Variants in DOCK1 observed in about 807,000 individuals in gnomAD.
DOCK1 encodes dedicator of cytokinesis 1.
DOCK1 carries 138 observed loss-of-function variants against 262.7 expected under a neutral mutation model. The ratio of observed to expected loss-of-function variants is 0.53; its 90% CI spans 0.46 to 0.61. DOCK1 has a LOEUF of 0.61. DOCK1 is among the 20% of genes least tolerant of loss of function. DOCK1 has a pLI of 0.00. For missense variants in DOCK1, 1,908 were observed against 2,370.7 expected, an observed-to-expected ratio of 0.80 and a Z score of 4.05; for synonymous variants, 866 against 867.4, an observed-to-expected ratio of 1.00 and a Z score of 0.03.
chr10:127,421,428 A>G (rs374525591), intron 46 of DOCK1, among the ~76,000 whole-genome samples: 1 of 152,326 alleles, frequency 6.6e-6, no homozygotes, highest in East Asian at 1.9e-4. Flanking sequence ...TAAACATAAT[A>G]TACATTATGT....
At chr10:126,929,862 G>A (rs1312951565) in intron 1 of DOCK1, among the ~76,000 whole-genome samples, 1 of 152,172 alleles carries the variant, frequency 6.6e-6, no homozygotes, top group African/African-American at 2.4e-5. Flanking sequence ...ACAATTCAGT[G>A]GCATTTAGAA....
chr10:127,334,941 C>A (rs2063130440), intron 29 of DOCK1, among the ~76,000 whole-genome samples: 1 of 152,144 alleles, frequency 6.6e-6, no homozygotes, highest in Non-Finnish European at 1.5e-5. Context: ...AATCCCACCG[C>A]AGAAAACCTA....
chr10:127,400,348 G>A (rs543150712), intron 38 of DOCK1, among the ~76,000 whole-genome samples: 21 of 152,350 alleles, frequency 1.4e-4, no homozygotes, highest in African/African-American at 5.1e-4. Context: ...CAGTGAGCGG[G>A]TGGGGGCTCA....
At chr10:127,254,601 A>G (rs1238291677) in intron 28 of DOCK1, among the ~76,000 whole-genome samples, 1 of 152,328 alleles carries the variant, frequency 6.6e-6, no homozygotes, top group South Asian at 2.1e-4. Flanking sequence ...ACCTCTTCCT[A>G]CCTTTGCAAT....
At chr10:126,959,887 G>A (rs2037061196) in intron 1 of DOCK1, among the ~76,000 whole-genome samples, 2 of 151,734 alleles carry the variant, frequency 1.3e-5, no homozygotes. Context: ...GTGCAATCTC[G>A]GCTCACTGCA....
intron 21 of DOCK1, among the ~76,000 whole-genome samples, chr10:127,050,783 G>A (rs1447033533): frequency 6.6e-6 from 1 of 151,820 alleles, no homozygotes; most frequent in African/African-American, 2.4e-5. Flanking sequence ...GTACTAGGCA[G>A]AAATTTTATT....
chr10:127,160,477 G>C (rs2053503468), intron 27 of DOCK1, among the ~76,000 whole-genome samples: 1 of 152,220 alleles, frequency 6.6e-6, no homozygotes, highest in Non-Finnish European at 1.5e-5. Context: ...TCAGTACTCA[G>C]TGCAGGGGAG....
Position 126,967,602 on chromosome 10 carries a change from C to T in DOCK1, c.47-3100C>T, listed in dbSNP as rs1054243160. Among the ~76,000 whole-genome samples the T allele has an allele frequency of 8.5e-5, 13 of 152,172 alleles. No individual in the cohort carries two copies. The South Asian group carries it at 2.3e-3, about 27-fold the overall frequency. ...AGTGTAGGTGTCAGTGGCCCATGCT[C>T]CCACGGGGCTGTGGGGGAGTCTGCG... On this transcript the variant is annotated intron_variant, in intron 1 of 51. Coordinates refer to ENST00000623213, the MANE Select transcript of DOCK1 (RefSeq NM_001290223.2).
At chr10:126,941,600 C>A (rs1451538069) in intron 1 of DOCK1, among the ~76,000 whole-genome samples, 2 of 152,014 alleles carry the variant, frequency 1.3e-5, no homozygotes, top group African/African-American at 4.8e-5. Context: ...ACTAAAAGTA[C>A]AAAAAATTAG....
rs749124992 is a variant in DOCK1, at chr10:127,003,957, TC to T, written c.985+3657del. ...GAACAGGGAGAGACTCTGTCTCCCCTCCCCCCCAAAAAAAAGGCCAGGTACA... is the reference window on the plus strand; with the variant it reads ...GAACAGGGAGAGACTCTGTCTCCCCTCCCCCCAAAAAAAAGGCCAGGTACA... On this transcript the variant is annotated intron_variant, in intron 10 of 51. Coordinates refer to ENST00000623213, the MANE Select transcript of DOCK1 (RefSeq NM_001290223.2). Among the ~76,000 whole-genome samples the T allele has an allele frequency of 1.4e-4, 21 of 148,492 alleles. No individual in the cohort carries two copies. The South Asian group carries it at 4.1e-3, about 29-fold the overall frequency.
chr10:127,397,034 G>A (rs1387164760), intron 38 of DOCK1, among the ~76,000 whole-genome samples: 3 of 136,238 alleles, frequency 2.2e-5, no homozygotes, highest in Admixed American at 7.2e-5. Flanking sequence ...TGAGTTACAC[G>A]GGCGGCGACT....
rs1164688690 is a variant in DOCK1, at chr10:127,362,962, C to T, written c.3432+750C>T. Reference sequence around the variant, plus strand: ...CCCCACACACATACACATGTGCATCCCCACATACACATACACATACACATC... The same window carrying T: ...CCCCACACACATACACATGTGCATCTCCACATACACATACACATACACATC... On this transcript the variant is annotated intron_variant, in intron 33 of 51. Transcript: ENST00000623213. Among the ~76,000 whole-genome samples the T allele has an allele frequency of 1.3e-3, 162 of 124,230 alleles. 4 individuals are homozygous for T. The highest frequency in any genetic ancestry group is 3.8e-3 in the East Asian group (15 of 3,970). The allele number at this position is 124,230 out of a possible 152,430, so 81.5% of individuals were successfully genotyped here. A position where few individuals can be genotyped will look rare whatever the true frequency, so the allele number is the denominator to read the frequency against.
At chr10:127,185,882 C>T (rs908596257) in intron 27 of DOCK1, among the ~76,000 whole-genome samples, 6 of 152,142 alleles carry the variant, frequency 3.9e-5, no homozygotes, top group Non-Finnish European at 8.8e-5. Flanking sequence ...TTTAACCATG[C>T]AGTATATTGG....
rs1253324962 is a variant in DOCK1 at position 127,018,693 on chromosome 10, A to C, written c.1202-17A>C. The C allele has an allele frequency of 6.2e-7, 1 of 1,613,944 alleles. No individual in the cohort carries two copies. The highest frequency in any genetic ancestry group is 1.3e-5 in the African/African-American group (1 of 74,940). Reference sequence around the variant, plus strand: ...ATAGGATAAAATGCGACTTAAGAGCATCCATTGTTTTTCCAGGTTTGTGGG... The same window carrying C: ...ATAGGATAAAATGCGACTTAAGAGCCTCCATTGTTTTTCCAGGTTTGTGGG... On this transcript the variant is annotated splice_polypyrimidine_tract_variant and intron_variant, in intron 12 of 51. Coordinates refer to ENST00000623213, the MANE Select transcript of DOCK1 (RefSeq NM_001290223.2).
chr10:127,435,003 C>T (rs1251090491), intron 48 of DOCK1, among the ~76,000 whole-genome samples: 2 of 152,166 alleles, frequency 1.3e-5, no homozygotes, highest in Non-Finnish European at 2.9e-5. Context: ...ACTCATGGGC[C>T]ACCTTCTTTG....
intron 28 of DOCK1, among the ~76,000 whole-genome samples, chr10:127,254,477 C>T (rs1248154905): frequency 6.6e-6 from 1 of 152,150 alleles, no homozygotes; most frequent in Non-Finnish European, 1.5e-5. Flanking sequence ...TGTGTTACTT[C>T]AGGAAGTAAC....
At chr10:127,024,543 C>T in intron 14 of DOCK1, 142 bp from the exon 15 acceptor site, 2 of 673,670 alleles carry the variant, frequency 3.0e-6, no homozygotes, top group Non-Finnish European at 2.4e-6. Context: ...CTGTGCTTCC[C>T]TTGCTGGGAA....
At chr10:127,232,891 C>T (rs2058903939) in intron 27 of DOCK1, among the ~76,000 whole-genome samples, 1 of 152,166 alleles carries the variant, frequency 6.6e-6, no homozygotes, top group African/African-American at 2.4e-5. Flanking sequence ...GGATTTACCT[C>T]CCACTGCATG....
At chr10:126,959,411 T>C (rs2037015542) in intron 1 of DOCK1, among the ~76,000 whole-genome samples, 1 of 152,144 alleles carries the variant, frequency 6.6e-6, no homozygotes, top group South Asian at 2.1e-4. Flanking sequence ...CAGAGTCAGG[T>C]TGGAAAGTAA....
Sources: gnomAD v4.1 joint callset for allele counts (sites outside exome capture counted in the v4.1 genomes callset) on GRCh38, gnomAD v4.1.1 for gene constraint, MANE v1.5 for transcripts, NCBI Gene and HGNC (gene_info 2026-07-23, HGNC 2026-07-21) for gene names.